Variants in MAP4 observed in about 807,000 individuals in gnomAD.
The protein encoded by MAP4 is microtubule-associated protein 4.
Under a neutral mutation model 170.2 loss-of-function variants are expected in MAP4, and 76 were observed. The ratio of observed to expected loss-of-function variants is 0.45; its 90% CI spans 0.37 to 0.54. The LOEUF (loss-of-function observed/expected upper bound fraction) is 0.54. Among genes scored for constraint, MAP4 ranks in the 20% least tolerant of loss-of-function variants. MAP4 has a pLI of 0.00. For missense variants in MAP4, 2,506 were observed against 2,748.0 expected (o/e 0.91, Z 1.97); for synonymous variants, 909 against 994.5 (o/e 0.91, Z 1.62).
At chr3:47,925,842 T>C (rs972507114) in intron 4 of MAP4, among the ~76,000 whole-genome samples, 2 of 152,146 alleles carry the variant, frequency 1.3e-5, no homozygotes, top group African/African-American at 4.8e-5. Context: ...GATAGGTAAG[T>C]AGATAGAGTA....
Position 47,928,278 on chromosome 3 carries a change from T to A in MAP4, c.365A>T (p.Asp122Val). Reference protein sequence around the residue: ...EYPNSQNWPEDTNFCFQPEQV... With the variant: ...EYPNSQNWPEVTNFCFQPEQV... ...CTCAGGTTGGAAACAAAAGTTGGTA[T>A]CTTCTGGCCAGTTCTGGCTATTTGG... Residue 122 changes from aspartate to valine, a missense_variant, in exon 4 of 21, where the codon GAT (aspartate) becomes GTT (valine). This residue lies in a region of MAP4 where 2,008 missense variants were observed against 2,206.0 expected (regional missense o/e 0.91). Transcript: ENST00000683076. The A allele has an allele frequency of 6.2e-7, 1 of 1,614,188 alleles. No homozygotes were observed. The highest frequency in any genetic ancestry group is 8.5e-7 in the Non-Finnish European group (1 of 1,180,024).
intron 2 of MAP4, among the ~76,000 whole-genome samples, chr3:47,978,289 G>A (rs1255916656): frequency 1.3e-5 from 2 of 152,014 alleles, no homozygotes; most frequent in African/African-American, 4.8e-5. Flanking sequence ...CAAATCAAAC[G>A]CTCCAAGAAC....
At chr3:48,008,678 C>T (rs997240487) in intron 1 of MAP4, among the ~76,000 whole-genome samples, 5 of 152,134 alleles carry the variant, frequency 3.3e-5, no homozygotes, top group Non-Finnish European at 5.9e-5. Context: ...GTGACCTCAG[C>T]GGAGGAGGGG....
At chr3:47,939,305 A>G (rs915208985) in intron 3 of MAP4, among the ~76,000 whole-genome samples, 1 of 151,012 alleles carries the variant, frequency 6.6e-6, no homozygotes, top group Non-Finnish European at 1.5e-5. Context: ...GCCTTTAAGT[A>G]TTCTATTTAT....
At position 47,911,618 on chromosome 3, in the gene MAP4, T is replaced by C; in HGVS notation, c.2803A>G (p.Asn935Asp). 6.5e-7 allele frequency: 1 copy of C among 1,535,972 alleles called. No homozygotes were observed. The highest frequency in any genetic ancestry group is 8.7e-7 in the Non-Finnish European group (1 of 1,146,800). Residue 935 changes from asparagine (N) to aspartate (D), a missense_variant, in exon 9 of 21, where the codon AAT becomes GAT. Asn to Asp is a conservative substitution (Grantham distance 23). Coordinates refer to ENST00000683076, the MANE Select transcript of MAP4 (RefSeq NM_001385682.1). The surrounding 1 kb of genome is among the most constrained non-coding windows in gnomAD (Gnocchi z 4.0). ...CTGATATCCAAAGGGGTTTCTACAT[T>C]GTATGCAGAAACTTCTGCTAGGGGT... ...KGPLAEVSAY[N>D]VETPLDIRLK...
chr3:47,877,959 T>C (rs2095854800), intron 10 of MAP4, among the ~76,000 whole-genome samples: 1 of 152,222 alleles, frequency 6.6e-6, no homozygotes, highest in Non-Finnish European at 1.5e-5. Context: ...CTTTCCTTCC[T>C]TTCCCTATAA....
chr3:48,039,552 T>C (rs1312584781), intron 1 of MAP4: 1 of 152,254 alleles, frequency 6.6e-6, no homozygotes, highest in Non-Finnish European at 1.5e-5. Flanking sequence ...CAAAAATAAA[T>C]AAAAGTAGTT....
chr3:47,902,017 G>A (rs1032896955), intron 10 of MAP4, among the ~76,000 whole-genome samples: 1 of 152,124 alleles, frequency 6.6e-6, no homozygotes, highest in Admixed American at 6.5e-5. Flanking sequence ...CACCAGGTAT[G>A]GTGGTGCACA....
chr3:47,894,709 A>G (rs538705202), intron 10 of MAP4, among the ~76,000 whole-genome samples: 2 of 152,222 alleles, frequency 1.3e-5, no homozygotes, highest in Admixed American at 1.3e-4. Context: ...TTAAGTATGT[A>G]CAATATGTGA....
intron 3 of MAP4, among the ~76,000 whole-genome samples, chr3:47,941,220 C>CAAAA (rs745693695): frequency 4.4e-5 from 2 of 45,838 alleles, no homozygotes; most frequent in Admixed American, 3.2e-4. Context: ...CTATCTCTAC[C>CAAAA]AAAAAAAAAA....
At chr3:47,856,499 G>A (rs948227410) in intron 18 of MAP4, among the ~76,000 whole-genome samples, 2 of 151,848 alleles carry the variant, frequency 1.3e-5, no homozygotes, top group Admixed American at 1.3e-4. Context: ...CTGTTGCTCA[G>A]GCTGGAGTGC....
chr3:47,853,033 T>C, intron 20 of MAP4, 95 bp from the exon 21 acceptor site: 1 of 1,614,170 alleles, frequency 6.2e-7, no homozygotes, highest in Non-Finnish European at 8.5e-7. Flanking sequence ...ATGTCATCAT[T>C]AGATGCCTGG....
chr3:48,018,709 A>C (rs571292618), upstream of MAP4, among the ~76,000 whole-genome samples: 2 of 152,286 alleles, frequency 1.3e-5, no homozygotes, highest in South Asian at 4.1e-4. Flanking sequence ...AGGCTGAGGC[A>C]GGAGAATCAC....
intron 8 of MAP4, among the ~76,000 whole-genome samples, chr3:47,913,102 A>G (rs1426408739): frequency 6.6e-6 from 1 of 152,200 alleles, no homozygotes; most frequent in Admixed American, 6.5e-5. Context: ...TTCCCAAAAG[A>G]CAGAGAAATA....
intron 18 of MAP4, among the ~76,000 whole-genome samples, chr3:47,856,814 G>A (rs994923779): frequency 7.2e-5 from 11 of 152,228 alleles, no homozygotes; most frequent in African/African-American, 2.4e-4. Flanking sequence ...TGTGCCTGCT[G>A]CTACAGCAGT....
At chr3:47,902,673 CA>C (rs3051642) in intron 10 of MAP4, among the ~76,000 whole-genome samples, 129 of 25,764 alleles carry the variant, frequency 5.0e-3, no homozygotes, top group East Asian at 0.022. Context: ...GACTCTGTCT[CA>C]AAAAAAAAAA....
At chr3:48,059,542 A>G (rs1375195421) in intron 1 of MAP4, among the ~76,000 whole-genome samples, 1 of 146,230 alleles carries the variant, frequency 6.8e-6, no homozygotes, top group African/African-American at 2.6e-5. Context: ...AAAAAAAAAG[A>G]CCTACTCAGG....
chr3:48,035,561 G>C (rs2154525185), intron 1 of MAP4, among the ~76,000 whole-genome samples: 1 of 152,196 alleles, frequency 6.6e-6, no homozygotes, highest in South Asian at 2.1e-4. Context: ...TGGAACCCAG[G>C]AGGTTGAGGC....
chr3:47,931,365 C>T (rs1056125927), intron 3 of MAP4, among the ~76,000 whole-genome samples: 3 of 151,962 alleles, frequency 2.0e-5, no homozygotes, highest in African/African-American at 7.3e-5. Flanking sequence ...AGAAAAAGGC[C>T]CTATTTTTTA....
Sources: allele counts gnomAD v4.1 joint callset (sites outside exome capture counted in the v4.1 genomes callset), GRCh38; gene constraint gnomAD v4.1.1; regional missense constraint gnomAD v4.1.1; non-coding constraint Gnocchi (gnomAD v3.1); transcripts MANE v1.5; gene names NCBI Gene and HGNC (gene_info 2026-07-23, HGNC 2026-07-21).